NEGR1: variants seen among roughly 807,000 people sequenced by gnomAD.
NEGR1 encodes IgLON family member 4.
NEGR1 carries 10 observed loss-of-function variants against 40.9 expected under a neutral mutation model. The observed-to-expected ratio is 0.24, with a 90% CI of 0.15 to 0.42. The LOEUF is 0.42. Ranked by LOEUF, NEGR1 falls within the 10% of genes least tolerant of loss-of-function variation. The pLI is 1.00. For missense variants in NEGR1, 352 were observed against 438.9 expected, an observed-to-expected ratio of 0.80 and a Z score of 1.77; for synonymous variants, 185 against 166.8, an observed-to-expected ratio of 1.11 and a Z score of -0.84.
intron 1 of NEGR1, among the ~76,000 whole-genome samples, chr1:71,947,470 A>G (rs1646031948): frequency 1.3e-5 from 2 of 152,156 alleles, no homozygotes; most frequent in African/African-American, 2.4e-5. Flanking sequence ...CAATTACAGG[A>G]ATCTCACCCA....
chr1:71,670,043 A>T (rs1305757466), intron 4 of NEGR1, among the ~76,000 whole-genome samples: 1 of 151,920 alleles, frequency 6.6e-6, no homozygotes, highest in Non-Finnish European at 1.5e-5. Context: ...CCTTTCCATT[A>T]TTCTTCATTC....
chr1:72,125,362 G>A (rs909678343), intron 1 of NEGR1, among the ~76,000 whole-genome samples: 2 of 151,880 alleles, frequency 1.3e-5, no homozygotes, highest in African/African-American at 4.8e-5. Context: ...CTCTAAAATA[G>A]CAATAACAGA....
At chr1:71,747,290 T>C (rs1260615437) in intron 3 of NEGR1, among the ~76,000 whole-genome samples, 4 of 152,190 alleles carry the variant, frequency 2.6e-5, no homozygotes, top group Non-Finnish European at 4.4e-5. Flanking sequence ...ATCATAGATA[T>C]GCAGAACAGT....
chr1:71,781,960 G>A lies in NEGR1; in HGVS notation c.410-5663C>T, dbSNP rs752370522. Among the ~76,000 whole-genome samples the A allele has an allele frequency of 2.0e-4, 31 of 152,164 alleles. 1 individual carries two copies. Among genetic ancestry groups the A allele is most frequent in the African/African-American group, 5.5e-4 (23 of 41,506 alleles). On this transcript the variant is annotated intron_variant, in intron 2 of 6. Coordinates refer to ENST00000357731, the MANE Select transcript of NEGR1 (RefSeq NM_173808.3). ...AAATTTACCACAAAGAAGAAACAGC[G>A]AAATGTACATTAGTGAGTGAATTTT...
intron 4 of NEGR1, among the ~76,000 whole-genome samples, chr1:71,688,371 T>TATATATG (rs1249244210): frequency 2.4e-4 from 23 of 95,064 alleles, no homozygotes; most frequent in South Asian, 9.8e-4. Flanking sequence ...ATATATGAGA[T>TATATATG]ATATACATAA....
At chr1:72,209,149 C>T (rs757623370) in intron 1 of NEGR1, among the ~76,000 whole-genome samples, 4 of 151,296 alleles carry the variant, frequency 2.6e-5, no homozygotes, top group Non-Finnish European at 4.4e-5. Context: ...TTATTAAACT[C>T]TTTTAATTTT....
intron 1 of NEGR1, among the ~76,000 whole-genome samples, chr1:72,030,300 G>A (rs1486367071): frequency 6.6e-6 from 1 of 151,876 alleles, no homozygotes; most frequent in African/African-American, 2.4e-5. Flanking sequence ...GATCCCTCCA[G>A]GGTTTAAATG....
chr1:72,047,139 GT>G (rs538042063), intron 1 of NEGR1, among the ~76,000 whole-genome samples: 4 of 143,912 alleles, frequency 2.8e-5, no homozygotes, highest in South Asian at 2.2e-4. Flanking sequence ...GTTTTGTTTT[GT>G]TTTTTTTTTG....
At chr1:72,160,514 C>G (rs1277438230) in intron 1 of NEGR1, among the ~76,000 whole-genome samples, 3 of 151,968 alleles carry the variant, frequency 2.0e-5, no homozygotes, top group Non-Finnish European at 2.9e-5. Flanking sequence ...AGTCAATTTT[C>G]AATTACAGAA....
intron 3 of NEGR1, among the ~76,000 whole-genome samples, chr1:71,718,547 T>A (rs1186268777): frequency 1.3e-5 from 2 of 152,230 alleles, no homozygotes; most frequent in Non-Finnish European, 2.9e-5. Context: ...AACACAACTA[T>A]TGACATTTAA....
chr1:71,974,737 A>G (rs1646286883), intron 1 of NEGR1, among the ~76,000 whole-genome samples: 1 of 152,150 alleles, frequency 6.6e-6, no homozygotes, highest in Non-Finnish European at 1.5e-5. Context: ...ATCTGAATTC[A>G]TTTACTCAGT....
At chr1:72,192,369 A>G (rs1335609227) in intron 1 of NEGR1, among the ~76,000 whole-genome samples, 1 of 151,848 alleles carries the variant, frequency 6.6e-6, no homozygotes, top group Non-Finnish European at 1.5e-5. Context: ...ATAAAGAACA[A>G]TTTATCTTCT....
intron 1 of NEGR1, among the ~76,000 whole-genome samples, chr1:72,218,060 T>G (rs1570135463): frequency 6.6e-6 from 1 of 151,856 alleles, no homozygotes; most frequent in East Asian, 1.9e-4. Flanking sequence ...ATAATTAGGT[T>G]AATATGCAGT....
intron 1 of NEGR1, among the ~76,000 whole-genome samples, chr1:72,132,785 G>A (rs1315205064): frequency 6.6e-6 from 1 of 152,020 alleles, no homozygotes; most frequent in Non-Finnish European, 1.5e-5. Context: ...TTTTAAAACT[G>A]AAAATGGAAT....
chr1:71,520,389 C>T (rs2101429056), intron 6 of NEGR1, among the ~76,000 whole-genome samples: 1 of 152,186 alleles, frequency 6.6e-6, no homozygotes, highest in South Asian at 2.1e-4. Context: ...CAGATGTAGT[C>T]TCAAGAATCC....
intron 1 of NEGR1, among the ~76,000 whole-genome samples, chr1:72,237,042 TTTTA>T (rs561479050): frequency 1.3e-5 from 2 of 151,974 alleles, no homozygotes; most frequent in Non-Finnish European, 2.9e-5. Context: ...ATTATCGGAA[TTTTA>T]TTTATTATTT....
chr1:72,074,518 T>C (rs1238152365), intron 1 of NEGR1, among the ~76,000 whole-genome samples: 2 of 152,070 alleles, frequency 1.3e-5, no homozygotes, highest in Non-Finnish European at 2.9e-5. Context: ...CTCTCGGTCA[T>C]GGCACTGAAA....
rs1383741169 is a variant in NEGR1 at position 71,558,481 on chromosome 1, G to A, written c.940+34336C>T. Among the ~76,000 whole-genome samples the A allele has an allele frequency of 2.0e-5, 3 of 151,358 alleles. No individual in the cohort carries two copies. In the East Asian group the frequency reaches 5.9e-4, roughly 30 times the overall value. ...TTCCCTCATTCCTTTATTTTTAATT[G>A]GAATTCTTCTGGAGGACTATTCCTT... On this transcript the variant is annotated intron_variant, in intron 6 of 6. Transcript: ENST00000357731.
chr1:72,008,277 C>G (rs1446765073), intron 1 of NEGR1, among the ~76,000 whole-genome samples: 1 of 152,096 alleles, frequency 6.6e-6, no homozygotes, highest in Non-Finnish European at 1.5e-5. Context: ...AATTTTCCTT[C>G]TAGCAGCTCT....
Sources: allele counts gnomAD v4.1 joint callset (sites outside exome capture counted in the v4.1 genomes callset), GRCh38; gene constraint gnomAD v4.1.1; transcripts MANE v1.5; gene names NCBI Gene and HGNC (gene_info 2026-07-23, HGNC 2026-07-21).